Variants in XPO6 observed in about 807,000 individuals in gnomAD.
XPO6 encodes exportin-6.
In XPO6, 3 loss-of-function variants were observed where a neutral mutation model predicts 130.0. The observed-to-expected ratio is 0.02, with a 90% CI of 0.01 to 0.06. XPO6 has a LOEUF of 0.06. XPO6 is among the 10% of genes least tolerant of loss of function. XPO6 has a pLI of 1.00. For missense variants in XPO6, 970 were observed against 1,393.0 expected (o/e 0.70, Z 4.83); for synonymous variants, 524 against 548.9 (o/e 0.95, Z 0.63).
chr16:28,115,220 C>T (rs2141253721), intron 15 of XPO6, among the ~76,000 whole-genome samples: 1 of 152,306 alleles, frequency 6.6e-6, no homozygotes, highest in Middle Eastern at 3.4e-3. Flanking sequence ...AGAAGGTTTT[C>T]AGTTTATTTG....
At chr16:28,124,637 T>C (rs1048191031) in intron 13 of XPO6, among the ~76,000 whole-genome samples, 1 of 152,200 alleles carries the variant, frequency 6.6e-6, no homozygotes, top group Non-Finnish European at 1.5e-5. Flanking sequence ...ACAATGTACT[T>C]ACTCAACAAT....
rs71389528 is a variant in XPO6, at chr16:28,169,632, AT to A, written c.565+117del. On this transcript the variant is annotated intron_variant, in intron 5 of 23. Coordinates refer to ENST00000304658, the MANE Select transcript of XPO6 (RefSeq NM_015171.4). The stretch of plus-strand genomic sequence containing the variant: ...ATAGGTGTTGGGAACGCAGCTTCCC[AT>A]TTTCATGCTATCTCAGAAACAGCGC... The A allele has an allele frequency of 6.7e-3, 9,134 of 1,358,996 alleles. 62 individuals are homozygous for A. The highest frequency in any genetic ancestry group is 7.9e-3 in the Non-Finnish European group (7,814 of 994,786). 84.2% of individuals were successfully genotyped at this position (1,358,996 alleles called of 1,614,324 possible).
At chr16:28,153,683 T>C (rs2043134818) in intron 7 of XPO6, 1 of 985,436 alleles carries the variant, frequency 1.0e-6, no homozygotes, top group Non-Finnish European at 1.2e-6. Flanking sequence ...GAAAATGAGA[T>C]GGCCATACCT....
chr16:28,170,182 AT>A (rs1655728799), intron 4 of XPO6, among the ~76,000 whole-genome samples: 2 of 151,950 alleles, frequency 1.3e-5, no homozygotes, highest in Admixed American at 6.6e-5. Context: ...AAAATACAAA[AT>A]TAGCCGGGTG....
At chr16:28,193,308 G>C (rs1009926253) in intron 1 of XPO6, among the ~76,000 whole-genome samples, 1 of 152,146 alleles carries the variant, frequency 6.6e-6, no homozygotes, top group Admixed American at 6.5e-5. Flanking sequence ...CATTACGCAG[G>C]AAGTGTGGGG....
intron 6 of XPO6, among the ~76,000 whole-genome samples, chr16:28,164,124 T>C (rs776668719): frequency 1.3e-5 from 2 of 152,158 alleles, no homozygotes; most frequent in Non-Finnish European, 2.9e-5. Context: ...AAAGAAAGTA[T>C]ATGGGGAAAA....
chr16:28,169,945 G>A (rs1194240574), intron 4 of XPO6, 36 bp from the exon 5 acceptor site: 1 of 1,609,668 alleles, frequency 6.2e-7, no homozygotes, highest in Non-Finnish European at 8.5e-7. Flanking sequence ...CAGAGTGTTG[G>A]ACTAATAAAG....
chr16:28,101,780 C>T lies in XPO6; in HGVS notation c.3045+67G>A. On this transcript the variant is annotated intron_variant, in intron 22 of 23. Transcript: ENST00000304658. The surrounding 1 kb of genome is among the most constrained non-coding windows in gnomAD (Gnocchi z 5.4). ...TTCTGTCACACTCTCCAGTGAGTAA[C>T]CTGAGGGTGGGACACAGGCCACAAT... 6.3e-7 allele frequency: 1 copy of T among 1,594,264 alleles called. No individual in the cohort carries two copies. The highest frequency in any genetic ancestry group is 8.6e-7 in the Non-Finnish European group (1 of 1,166,464).
At position 28,098,520 on chromosome 16, in the gene XPO6, C is replaced by A; in HGVS notation, c.*18G>T. On this transcript the variant is annotated 3_prime_UTR_variant, in exon 24 of 24. Transcript: ENST00000304658. ...AGGTGGCAGCAGCAGAAGTCCGTGT[C>A]CCCAGGCAGTAGCAGGCCTAGAGCT... 1 of 1,599,244 alleles carries A rather than the reference C, an allele frequency of 6.3e-7. No individual in the cohort carries two copies. Among genetic ancestry groups the A allele is most frequent in the Non-Finnish European group, 8.5e-7 (1 of 1,170,300 alleles).
chr16:28,106,023 GGGACC>G lies in XPO6; in HGVS notation c.2784+15_2784+19del, dbSNP rs2086770425. ...TCTGGAGATGGGGGGTGCTGCACAG[GGGACC>G]GTCTGAGCCCCTACCTCGGCAATGA... is the stretch of plus-strand genomic sequence containing the variant. On this transcript the variant is annotated intron_variant, in intron 20 of 23. Coordinates refer to ENST00000304658, the MANE Select transcript of XPO6 (RefSeq NM_015171.4). The surrounding 1 kb of genome is among the most constrained non-coding windows in gnomAD (Gnocchi z 4.2). 1 of 1,608,328 alleles carries G rather than the reference GGGACC, an allele frequency of 6.2e-7. No homozygotes were observed. The highest frequency in any genetic ancestry group is 8.5e-7 in the Non-Finnish European group (1 of 1,175,292).
intron 9 of XPO6, among the ~76,000 whole-genome samples, chr16:28,141,095 G>A (rs536187802): frequency 6.6e-6 from 1 of 152,348 alleles, no homozygotes; most frequent in South Asian, 2.1e-4. Context: ...ACAATGTCAT[G>A]TGTAACAGTG....
chr16:28,174,648 T>C (rs2043505798), intron 4 of XPO6, among the ~76,000 whole-genome samples: 1 of 152,216 alleles, frequency 6.6e-6, no homozygotes. Flanking sequence ...TGTGCCCCTT[T>C]GAGAGACAAT....
At chr16:28,107,226 C>T (rs773637655) in intron 18 of XPO6, among the ~76,000 whole-genome samples, 4 of 152,178 alleles carry the variant, frequency 2.6e-5, no homozygotes, top group East Asian at 3.9e-4. Context: ...GTGAGGGGAA[C>T]GATCTCGGCA....
At chr16:28,187,323 A>G (rs2043711258) in intron 1 of XPO6, among the ~76,000 whole-genome samples, 1 of 152,182 alleles carries the variant, frequency 6.6e-6, no homozygotes, top group Non-Finnish European at 1.5e-5. Flanking sequence ...GGTCATTTAC[A>G]TCTTGTGTCT....
Position 28,104,715 on chromosome 16 carries a change from G to T in XPO6, c.2785-8C>A. The T allele has an allele frequency of 6.2e-7, 1 of 1,613,466 alleles. No homozygotes were observed. The highest frequency in any genetic ancestry group is 8.5e-7 in the Non-Finnish European group (1 of 1,179,992). On this transcript the variant is annotated splice_polypyrimidine_tract_variant and splice_region_variant and intron_variant, in intron 20 of 23. Coordinates refer to ENST00000304658, the MANE Select transcript of XPO6 (RefSeq NM_015171.4). ...CACATCAGGGGAGGGACGCTGCAAA[G>T]ACACACAGACGCTCAGACCTGCAGC... is the stretch of plus-strand genomic sequence containing the variant.
rs1486237067 is a variant in XPO6, at chr16:28,132,983, T to C, written c.1537-580A>G. On this transcript the variant is annotated intron_variant, in intron 11 of 23. Transcript: ENST00000304658. The surrounding 1 kb of genome is among the most constrained non-coding windows in gnomAD (Gnocchi z 4.0). ...GTGACTGGCCCCTAAGAAAGGCAGA[T>C]GGCAAAGTACGAAGCTTTCCAGGAG... is the stretch of plus-strand genomic sequence containing the variant. Among the ~76,000 whole-genome samples the C allele has an allele frequency of 3.3e-5, 5 of 152,172 alleles. No individual in the cohort carries two copies. Among genetic ancestry groups the C allele is most frequent in the African/African-American group, 1.2e-4 (5 of 41,450 alleles).
At chr16:28,200,851 G>A (rs2043943093) in intron 1 of XPO6, among the ~76,000 whole-genome samples, 1 of 152,124 alleles carries the variant, frequency 6.6e-6, no homozygotes, top group Non-Finnish European at 1.5e-5. Flanking sequence ...GGGTGGCTAT[G>A]AGAGATTAAA....
At chr16:28,150,261 T>C (rs2043062198) in intron 8 of XPO6, among the ~76,000 whole-genome samples, 1 of 152,198 alleles carries the variant, frequency 6.6e-6, no homozygotes, top group Non-Finnish European at 1.5e-5. Context: ...AAGGAGCTCA[T>C]CTGACGATTC....
Position 28,125,721 on chromosome 16 carries a change from T to C in XPO6, c.1734A>G (p.Ala578=). 7 of 1,614,164 alleles carry C rather than the reference T, an allele frequency of 4.3e-6. 1 individual carries two copies. The highest frequency in any genetic ancestry group is 2.7e-5 in the African/African-American group (2 of 75,032). The change falls in exon 13 of 24, where the codon GCA becomes GCG. Residue 578 remains alanine (A), a synonymous_variant. Transcript: ENST00000304658. ...CGACTGTGAGGGCATCATTGAACCG[T>C]GCAGCAAACACATCCCCGATAAAGT... ...AEYFIGDVFA[A]RFNDALTVVE...
Sources: gnomAD v4.1 joint callset for allele counts (sites outside exome capture counted in the v4.1 genomes callset) on GRCh38, gnomAD v4.1.1 for gene constraint, Gnocchi (gnomAD v3.1) non-coding constraint, MANE v1.5 for transcripts, NCBI Gene and HGNC (gene_info 2026-07-23, HGNC 2026-07-21) for gene names.